Variants in WWOX observed in about 807,000 individuals in gnomAD.
WWOX encodes WW domain-containing oxidoreductase.
Under a neutral mutation model 46.2 loss-of-function variants are expected in WWOX, and 69 were observed. That is an observed-to-expected ratio of 1.49 (90% CI 1.23 to 1.82). WWOX has a LOEUF of 1.82. Ranked by LOEUF, WWOX falls within the 40% of genes most tolerant of loss-of-function variation. The pLI, the probability that WWOX is intolerant of heterozygous loss-of-function variation, is 0.00. For missense variants in WWOX, 919 were observed against 542.6 expected, an observed-to-expected ratio of 1.69 and a Z score of -6.89; for synonymous variants, 359 against 202.6, an observed-to-expected ratio of 1.77 and a Z score of -6.56.
intron 6 of WWOX, among the ~76,000 whole-genome samples, chr16:78,398,656 C>G (rs183476629): frequency 1.6e-4 from 24 of 152,286 alleles, no homozygotes; most frequent in Non-Finnish European, 3.2e-4. Context: ...GGAGCAGAAA[C>G]TTTGGCTAAT....
chr16:78,133,191 A>T (rs2033663500), intron 4 of WWOX, among the ~76,000 whole-genome samples: 1 of 152,228 alleles, frequency 6.6e-6, no homozygotes, highest in Admixed American at 6.5e-5. Context: ...TTTTCAAAGG[A>T]TGCTTTTTAA....
chr16:78,660,768 G>C (rs760242194), intron 8 of WWOX, among the ~76,000 whole-genome samples: 2 of 152,120 alleles, frequency 1.3e-5, no homozygotes, highest in African/African-American at 2.4e-5. Context: ...TTCCAGAAAC[G>C]TTCTATGCAT....
intron 4 of WWOX, among the ~76,000 whole-genome samples, chr16:78,134,227 A>G (rs887487556): frequency 4.6e-5 from 7 of 152,226 alleles, no homozygotes; most frequent in Admixed American, 1.3e-4. Flanking sequence ...ATAGAAAGCT[A>G]TCTGCTATTA....
At chr16:78,619,853 G>T (rs2046134310) in intron 8 of WWOX, among the ~76,000 whole-genome samples, 1 of 152,082 alleles carries the variant, frequency 6.6e-6, no homozygotes, top group Non-Finnish European at 1.5e-5. Context: ...AACCATGATT[G>T]CACCGTTGTA....
At chr16:78,784,716 G>A (rs944145186) in intron 8 of WWOX, among the ~76,000 whole-genome samples, 1 of 152,160 alleles carries the variant, frequency 6.6e-6, no homozygotes, top group African/African-American at 2.4e-5. Context: ...CCAGTCAGGT[G>A]GTTGATGAGT....
rs755684501 is a variant in WWOX, at chr16:78,603,521, C to A, written c.1056+170769C>A. Among the ~76,000 whole-genome samples, 35 of 152,186 alleles carry A rather than the reference C, an allele frequency of 2.3e-4. 1 individual carries two copies. The highest frequency in any genetic ancestry group is 6.8e-3 in the Middle Eastern group (2 of 294). On this transcript the variant is annotated intron_variant, in intron 8 of 8. Transcript: ENST00000566780. Reference sequence around the variant, plus strand: ...ACCAGCCTGGCCAACATGGTGAAACCCCATCTCACCTAAAAATAAAAAATT... The same window carrying A: ...ACCAGCCTGGCCAACATGGTGAAACACCATCTCACCTAAAAATAAAAAATT...
chr16:78,796,827 CTTTTTTTTT>C, intron 8 of WWOX, among the ~76,000 whole-genome samples: 1 of 133,114 alleles, frequency 7.5e-6, no homozygotes, highest in South Asian at 2.4e-4. Flanking sequence ...TTATCTTCTT[CTTTTTTTTT>C]TTTTTTTTAG....
chr16:79,101,680 T>A (rs1309514671), intron 8 of WWOX: 3 of 151,446 alleles, frequency 2.0e-5, no homozygotes, highest in Admixed American at 2.0e-4. Context: ...ACAGAAACTT[T>A]CCAAAGGGAA....
chr16:78,175,884 A>G (rs746191211), intron 5 of WWOX, among the ~76,000 whole-genome samples: 2 of 152,224 alleles, frequency 1.3e-5, no homozygotes, highest in Non-Finnish European at 2.9e-5. Context: ...GTGAGTTCTA[A>G]GGATAAGACA....
At chr16:78,295,441 G>C (rs2079928972) in intron 5 of WWOX, among the ~76,000 whole-genome samples, 1 of 152,198 alleles carries the variant, frequency 6.6e-6, no homozygotes, top group Admixed American at 6.5e-5. Flanking sequence ...GCCAGGTGTG[G>C]TGGCTCACGC....
chr16:78,623,700 C>T lies in WWOX; in HGVS notation c.1056+190948C>T, dbSNP rs1226641823. On this transcript the variant is annotated intron_variant, in intron 8 of 8. Transcript: ENST00000566780. ...TTATTAGCTGAGTCATGTCACTGCA[C>T]CTCCAGCCTGGGCAACAGAGTCAGA... is the stretch of plus-strand genomic sequence containing the variant. Among the ~76,000 whole-genome samples, 5 of 149,284 alleles carry T rather than the reference C, an allele frequency of 3.3e-5. No individual in the cohort carries two copies. In the South Asian group the frequency reaches 6.4e-4, roughly 19 times the overall value.
At chr16:79,177,610 G>A (rs1012167179) in intron 8 of WWOX, among the ~76,000 whole-genome samples, 7 of 152,142 alleles carry the variant, frequency 4.6e-5, no homozygotes, top group Admixed American at 1.3e-4. Context: ...AAAAGTGGGA[G>A]CATCAGCTGA....
At chr16:79,171,412 T>A (rs546340372) in intron 8 of WWOX, among the ~76,000 whole-genome samples, 1 of 152,220 alleles carries the variant, frequency 6.6e-6, no homozygotes, top group Non-Finnish European at 1.5e-5. Flanking sequence ...TTATTAGCTC[T>A]CTCCATTTTT....
At chr16:78,995,695 G>C (rs1401976128) in intron 8 of WWOX, among the ~76,000 whole-genome samples, 1 of 152,284 alleles carries the variant, frequency 6.6e-6, no homozygotes, top group African/African-American at 2.4e-5. Flanking sequence ...CTCAGGACTG[G>C]TAAAGTGTGA....
chr16:79,171,718 CTTCA>C (rs758022992), intron 8 of WWOX, among the ~76,000 whole-genome samples: 2 of 152,126 alleles, frequency 1.3e-5, no homozygotes, highest in Non-Finnish European at 2.9e-5. Flanking sequence ...GATGTTCTTT[CTTCA>C]TTCACGTTGA....
In WWOX at chr16:78,396,734, C is replaced by T. The variant is rs149052284; in HGVS notation, c.605+9786C>T. 3.9e-5 allele frequency among the ~76,000 whole-genome samples: 6 copies of T among 152,306 alleles called. No individual in the cohort carries two copies. The East Asian group carries it at 1.2e-3, about 29-fold the overall frequency. ...GAATCAGATAGTAAATATTTTTGCT[C>T]TCATCAGCCAGACAGTCTCTGCGGC... On this transcript the variant is annotated intron_variant, in intron 6 of 8. Coordinates refer to ENST00000566780, the MANE Select transcript of WWOX (RefSeq NM_016373.4).
intron 8 of WWOX, among the ~76,000 whole-genome samples, chr16:79,063,278 G>C (rs919339025): frequency 6.6e-6 from 1 of 152,156 alleles, no homozygotes; most frequent in African/African-American, 2.4e-5. Flanking sequence ...AGCCCAAGCC[G>C]CCTCTGCTCT....
chr16:78,922,443 A>T (rs900681098), intron 8 of WWOX, among the ~76,000 whole-genome samples: 2 of 149,814 alleles, frequency 1.3e-5, no homozygotes, highest in Admixed American at 1.3e-4. Flanking sequence ...CAGTGGCGTG[A>T]CCTTGGCTCA....
intron 8 of WWOX, among the ~76,000 whole-genome samples, chr16:78,653,856 G>A (rs144864602): frequency 2.0e-5 from 3 of 152,214 alleles, no homozygotes; most frequent in African/African-American, 7.2e-5. Context: ...TTAATATTTT[G>A]AGTTGGGTTT....
Sources: gnomAD v4.1 joint callset for allele counts (sites outside exome capture counted in the v4.1 genomes callset) on GRCh38, gnomAD v4.1.1 for gene constraint, MANE v1.5 for transcripts, NCBI Gene and HGNC (gene_info 2026-07-23, HGNC 2026-07-21) for gene names.